PCDHA11: variants seen among roughly 807,000 people sequenced by gnomAD.
PCDHA11 encodes protocadherin alpha-11.
Under a neutral mutation model 70.3 loss-of-function variants are expected in PCDHA11, and 61 were observed. That is an observed-to-expected ratio of 0.87 (90% CI 0.71 to 1.07). PCDHA11 has a LOEUF of 1.07. PCDHA11 is among the 50% of genes least tolerant of loss of function. The probability of loss-of-function intolerance (pLI) is 0.00; values close to 1 mark genes in which losing one functional copy is unlikely to be tolerated. For synonymous variants in PCDHA11, 633 were observed against 555.1 expected (o/e 1.14, Z -1.97); for missense variants, 1,324 against 1,237.5 (o/e 1.07, Z -1.05).
Position 140,912,662 on chromosome 5 carries a change from T to C in PCDHA11, c.2391+41168T>C, listed in dbSNP as rs145118694. 1.9e-3 allele frequency among the ~76,000 whole-genome samples: 286 copies of C among 152,264 alleles called. 1 individual carries two copies. The highest frequency in any genetic ancestry group is 6.7e-3 in the African/African-American group (280 of 41,548). Reference sequence around the variant, plus strand: ...CTATGTTGAATAGAAGTGGTGAAAATGGGCATCCTTGACTTATTCCAGGTC... The same window carrying C: ...CTATGTTGAATAGAAGTGGTGAAAACGGGCATCCTTGACTTATTCCAGGTC... On this transcript the variant is annotated intron_variant, in intron 1 of 3. Coordinates refer to ENST00000398640, the MANE Select transcript of PCDHA11 (RefSeq NM_018902.5).
chr5:140,950,711 T>C (rs1173209854), intron 1 of PCDHA11, among the ~76,000 whole-genome samples: 2 of 152,094 alleles, frequency 1.3e-5, no homozygotes, highest in African/African-American at 4.8e-5. Flanking sequence ...TTTTTGTTCC[T>C]TATATCCTTA....
rs185233104 is a variant in PCDHA11, at chr5:140,979,751, C to T, written c.2450+744C>T. 6.6e-5 allele frequency among the ~76,000 whole-genome samples: 10 copies of T among 152,136 alleles called. No individual in the cohort carries two copies. The South Asian group carries it at 1.2e-3, about 19-fold the overall frequency. On this transcript the variant is annotated intron_variant, in intron 2 of 3. Coordinates refer to ENST00000398640, the MANE Select transcript of PCDHA11 (RefSeq NM_018902.5). ...GGCCAAATAAAAGATTCATTATTTG[C>T]GAATGTCTTTGGAAACCAAATGGGA...
chr5:140,888,447 A>G (rs1554183478), intron 1 of PCDHA11, among the ~76,000 whole-genome samples: 1 of 152,190 alleles, frequency 6.6e-6, no homozygotes, highest in Non-Finnish European at 1.5e-5. Context: ...CCCAACAATA[A>G]AGAATTAGCT....
intron 1 of PCDHA11, among the ~76,000 whole-genome samples, chr5:140,954,291 T>C (rs1309677058): frequency 6.6e-6 from 1 of 152,230 alleles, no homozygotes; most frequent in African/African-American, 2.4e-5. Context: ...TTCCTTTGGG[T>C]ACATACCCAG....
chr5:140,886,689 G>T (rs1267444522), intron 1 of PCDHA11, among the ~76,000 whole-genome samples: 1 of 152,022 alleles, frequency 6.6e-6, no homozygotes, highest in Admixed American at 6.5e-5. Context: ...AGCGAGGCAT[G>T]GTGGCACGCG....
chr5:140,968,159 A>T, intron 1 of PCDHA11: 6 of 1,614,136 alleles, frequency 3.7e-6, no homozygotes, highest in Non-Finnish European at 4.2e-6. Flanking sequence ...CATCAATGAC[A>T]ATCCACCAAG....
intron 1 of PCDHA11, among the ~76,000 whole-genome samples, chr5:140,918,366 T>G (rs1203283831): frequency 2.0e-5 from 3 of 152,180 alleles, no homozygotes; most frequent in African/African-American, 7.2e-5. Flanking sequence ...CTCTGCCTAT[T>G]TGGATGCCTT....
rs1554189151 is a variant in PCDHA11, at chr5:140,900,427, G to GCA, written c.2391+28934_2391+28935insAC. On this transcript the variant is annotated intron_variant, in intron 1 of 3. Transcript: ENST00000398640. ...CAAGTAGCTGGGATTATAGGCACGT[G>GCA]CCACCACGGCCGGCTAATTTTTTAT... 7.9e-5 allele frequency among the ~76,000 whole-genome samples: 12 copies of GCA among 152,230 alleles called. No homozygotes were observed. The East Asian group carries it at 2.3e-3, about 30-fold the overall frequency.
At chr5:140,943,500 G>C (rs907493905) in intron 1 of PCDHA11, among the ~76,000 whole-genome samples, 1 of 152,048 alleles carries the variant, frequency 6.6e-6, no homozygotes, top group Admixed American at 6.6e-5. Context: ...TGCTATCAAG[G>C]TTCATGGAAA....
chr5:140,905,809 A>C (rs1349964349), intron 1 of PCDHA11, among the ~76,000 whole-genome samples: 1 of 152,184 alleles, frequency 6.6e-6, no homozygotes, highest in East Asian at 1.9e-4. Context: ...GGACAGAATT[A>C]ATAGGCTAGA....
intron 1 of PCDHA11, among the ~76,000 whole-genome samples, chr5:140,913,757 T>C (rs577091404): frequency 6.6e-6 from 1 of 152,282 alleles, no homozygotes; most frequent in South Asian, 2.1e-4. Context: ...TTGTATCTCA[T>C]AGGTTTTGGC....
At position 140,902,128 on chromosome 5, in the gene PCDHA11, A is replaced by T. The variant is rs140093707; in HGVS notation, c.2391+30634A>T. On this transcript the variant is annotated intron_variant, in intron 1 of 3. Transcript: ENST00000398640. ...ATTTTTTTAAAACTGAGATTATATC[A>T]TCTGCAAACAAGGATAATTTGATTT... Among the ~76,000 whole-genome samples the T allele has an allele frequency of 8.6e-3, 1,299 of 150,978 alleles. 13 individuals are homozygous for T. Among genetic ancestry groups the T allele is most frequent in the African/African-American group, 0.03 (1,241 of 41,218 alleles).
intron 3 of PCDHA11, 100 bp from the exon 4 acceptor site, chr5:141,009,527 G>A: frequency 6.6e-7 from 1 of 1,507,930 alleles, no homozygotes; most frequent in South Asian, 1.4e-5. Context: ...TTTCTGGGGA[G>A]GTTCAGCCTG....
chr5:140,993,265 C>A (rs1196226593), intron 3 of PCDHA11, among the ~76,000 whole-genome samples: 1 of 152,062 alleles, frequency 6.6e-6, no homozygotes, highest in Non-Finnish European at 1.5e-5. Flanking sequence ...AAATTAGCTT[C>A]TTTGGTCTTT....
intron 3 of PCDHA11, among the ~76,000 whole-genome samples, chr5:141,007,259 G>A (rs2098311634): frequency 6.6e-6 from 1 of 151,998 alleles, no homozygotes; most frequent in Non-Finnish European, 1.5e-5. Flanking sequence ...GTTAAAAGAA[G>A]CAGATACAGG....
rs543899552 is a variant in PCDHA11 at position 140,891,287 on chromosome 5, A to T, written c.2391+19793A>T. ...AATTTTTCCGTAAGTTATTGGGGGT[A>T]CAGGTGGTATTTGATTACATGAGTA... is the stretch of plus-strand genomic sequence containing the variant. On this transcript the variant is annotated intron_variant, in intron 1 of 3. Transcript: ENST00000398640. 3.9e-5 allele frequency among the ~76,000 whole-genome samples: 6 copies of T among 152,176 alleles called. No individual in the cohort carries two copies. In the South Asian group the frequency reaches 6.2e-4, roughly 16 times the overall value.
At chr5:140,924,837 G>A (rs1310509638) in intron 1 of PCDHA11, among the ~76,000 whole-genome samples, 2 of 151,426 alleles carry the variant, frequency 1.3e-5, no homozygotes, top group African/African-American at 4.9e-5. Flanking sequence ...GGAGGTTGCA[G>A]GGAGCTCAGA....
At chr5:140,890,830 A>G (rs903756043) in intron 1 of PCDHA11, among the ~76,000 whole-genome samples, 1 of 152,182 alleles carries the variant, frequency 6.6e-6, no homozygotes, top group Non-Finnish European at 1.5e-5. Context: ...GTACTTACAT[A>G]TTTACCAGTT....
At chr5:140,917,301 G>T (rs2078005324) in intron 1 of PCDHA11, among the ~76,000 whole-genome samples, 1 of 138,576 alleles carries the variant, frequency 7.2e-6, no homozygotes, top group Non-Finnish European at 1.5e-5. Flanking sequence ...GCAGATAGTT[G>T]TTACAATTTG....
Sources: allele counts gnomAD v4.1 joint callset (sites outside exome capture counted in the v4.1 genomes callset), GRCh38; gene constraint gnomAD v4.1.1; transcripts MANE v1.5; gene names NCBI Gene and HGNC (gene_info 2026-07-23, HGNC 2026-07-21).